The following CYP7B1 variants were observed in gnomAD, a reference collection of about 807,000 sequenced individuals.
The protein encoded by CYP7B1 is cytochrome P450 7B1.
Under a neutral mutation model 42.7 loss-of-function variants are expected in CYP7B1, and 29 were observed. The ratio of observed to expected loss-of-function variants is 0.68; its 90% CI spans 0.51 to 0.93. CYP7B1 has a LOEUF of 0.93. Among genes scored for constraint, CYP7B1 ranks in the 40% least tolerant of loss-of-function variants. The probability of loss-of-function intolerance (pLI) is 0.00; values close to 1 mark genes in which losing one functional copy is unlikely to be tolerated. For synonymous variants in CYP7B1, 235 were observed against 218.2 expected, an observed-to-expected ratio of 1.08 and a Z score of -0.68; for missense variants, 655 against 600.5, an observed-to-expected ratio of 1.09 and a Z score of -0.95.
Position 64,798,308 on chromosome 8 carries a change from C to G in CYP7B1, c.122+158G>C, listed in dbSNP as rs186436396. ...ATGTGTGGGAAAAAGACAGAAGAAGCCTTTGTTATTACAAAGTCCCAAAGG... is the reference window on the plus strand; with the variant it reads ...ATGTGTGGGAAAAAGACAGAAGAAGGCTTTGTTATTACAAAGTCCCAAAGG... On this transcript the variant is annotated intron_variant, in intron 1 of 5. Transcript: ENST00000310193. 1.2e-3 allele frequency among the ~76,000 whole-genome samples: 176 copies of G among 152,360 alleles called. 1 individual carries two copies. The highest frequency in any genetic ancestry group is 6.4e-3 in the South Asian group (31 of 4,830).
chr8:64,742,684 G>A (rs1443593681), intron 1 of CYP7B1, among the ~76,000 whole-genome samples: 1 of 152,102 alleles, frequency 6.6e-6, no homozygotes, highest in Non-Finnish European at 1.5e-5. Context: ...CTGGCTCCTT[G>A]GCTTGTCTTC....
At chr8:64,726,701 T>C (rs1490859085) in intron 1 of CYP7B1, among the ~76,000 whole-genome samples, 2 of 152,238 alleles carry the variant, frequency 1.3e-5, no homozygotes, top group Non-Finnish European at 2.9e-5. Context: ...CAAATACAGA[T>C]AACCATCACT....
intron 5 of CYP7B1, among the ~76,000 whole-genome samples, chr8:64,598,402 C>T (rs1805149500): frequency 6.6e-6 from 1 of 152,142 alleles, no homozygotes; most frequent in Non-Finnish European, 1.5e-5. Context: ...CTTGCCTGAG[C>T]TTAGTCCTGC....
intron 2 of CYP7B1, among the ~76,000 whole-genome samples, chr8:64,617,189 T>C (rs1805461840): frequency 1.3e-5 from 2 of 152,158 alleles, no homozygotes; most frequent in Non-Finnish European, 2.9e-5. Context: ...AACTTATCAA[T>C]TTAAAAACTT....
At chr8:64,707,060 T>C (rs1807010692) in intron 1 of CYP7B1, among the ~76,000 whole-genome samples, 1 of 152,038 alleles carries the variant, frequency 6.6e-6, no homozygotes. Flanking sequence ...TTTATATACA[T>C]TTAGAATTTA....
At chr8:64,611,553 G>T (rs1457972695) in intron 4 of CYP7B1, among the ~76,000 whole-genome samples, 2 of 151,790 alleles carry the variant, frequency 1.3e-5, no homozygotes, top group Non-Finnish European at 2.9e-5. Flanking sequence ...ATCAAATTTC[G>T]ATGTGGACTC....
chr8:64,627,038 C>T (rs1392256741), intron 1 of CYP7B1, among the ~76,000 whole-genome samples: 2 of 152,078 alleles, frequency 1.3e-5, no homozygotes, highest in Non-Finnish European at 2.9e-5. Flanking sequence ...CAAAATAAAT[C>T]CAAGTTATGA....
At chr8:64,767,592 C>T (rs1453137776) in intron 1 of CYP7B1, among the ~76,000 whole-genome samples, 1 of 152,182 alleles carries the variant, frequency 6.6e-6, no homozygotes, top group Non-Finnish European at 1.5e-5. Context: ...CTTCACCAAA[C>T]GTTTCACTTA....
At chr8:64,721,811 AT>A (rs1807240663) in intron 1 of CYP7B1, among the ~76,000 whole-genome samples, 1 of 152,178 alleles carries the variant, frequency 6.6e-6, no homozygotes, top group African/African-American at 2.4e-5. Flanking sequence ...AGCCTATATA[AT>A]TATGACACAT....
At chr8:64,724,723 T>C (rs888199258) in intron 1 of CYP7B1, among the ~76,000 whole-genome samples, 1 of 152,098 alleles carries the variant, frequency 6.6e-6, no homozygotes, top group African/African-American at 2.4e-5. Flanking sequence ...TGCTGAGTAC[T>C]TTGAACTAAA....
At chr8:64,794,784 C>A (rs1046395776) in intron 1 of CYP7B1, among the ~76,000 whole-genome samples, 2 of 152,184 alleles carry the variant, frequency 1.3e-5, no homozygotes, top group African/African-American at 4.8e-5. Context: ...ATATCTCAAG[C>A]TTTTCATAGA....
intron 1 of CYP7B1, among the ~76,000 whole-genome samples, chr8:64,725,115 C>T (rs1280646326): frequency 6.6e-6 from 1 of 152,222 alleles, no homozygotes; most frequent in Non-Finnish European, 1.5e-5. Flanking sequence ...AGATCACCCC[C>T]TTTGGTCCAA....
chr8:64,660,865 T>A (rs1489969167), intron 1 of CYP7B1, among the ~76,000 whole-genome samples: 1 of 152,066 alleles, frequency 6.6e-6, no homozygotes, highest in Non-Finnish European at 1.5e-5. Context: ...AATGAGGGAG[T>A]GGGTAATTGC....
chr8:64,784,494 G>A (rs1449280527), intron 1 of CYP7B1, among the ~76,000 whole-genome samples: 1 of 152,138 alleles, frequency 6.6e-6, no homozygotes, highest in Admixed American at 6.5e-5. Flanking sequence ...TTCTCTGGAT[G>A]TCTTGATTCT....
In CYP7B1 at chr8:64,616,010, C is replaced by T. The variant is rs766248249; in HGVS notation, c.531G>A (p.Thr177=). The change falls in exon 3 of 6, where the codon ACG becomes ACA. Residue 177 remains threonine, a synonymous_variant. Transcript: ENST00000310193. ...PQLLKTTSWD[T]AELYPFCSSI... ...AGCTGCAGAATGGATACAGTTCTGC[C>T]GTGTCCCAACTTGTGGTTTTTAACA... 45 of 1,613,426 alleles carry T rather than the reference C, an allele frequency of 2.8e-5. No homozygotes were observed. Among genetic ancestry groups the T allele is most frequent in the East Asian group, 8.9e-5 (4 of 44,872 alleles).
chr8:64,652,619 C>T (rs551392107), intron 1 of CYP7B1, among the ~76,000 whole-genome samples: 30 of 152,146 alleles, frequency 2.0e-4, no homozygotes, highest in East Asian at 3.9e-4. Flanking sequence ...CCGAGGCAGG[C>T]GGATCACGAG....
At chr8:64,685,161 G>A (rs991700669) in intron 1 of CYP7B1, among the ~76,000 whole-genome samples, 20 of 152,042 alleles carry the variant, frequency 1.3e-4, no homozygotes, top group African/African-American at 3.4e-4. Context: ...CCGCCCCGCC[G>A]GCGAGCGCCG....
chr8:64,730,884 T>A (rs1384922755), intron 1 of CYP7B1, among the ~76,000 whole-genome samples: 1 of 151,996 alleles, frequency 6.6e-6, no homozygotes, highest in Non-Finnish European at 1.5e-5. Context: ...TGGGAGGTGA[T>A]TAGATCATGG....
chr8:64,704,224 A>G (rs1426559310), intron 1 of CYP7B1, among the ~76,000 whole-genome samples: 2 of 152,056 alleles, frequency 1.3e-5, no homozygotes, highest in African/African-American at 4.8e-5. Flanking sequence ...TATTTTACCC[A>G]TGTGTCAGCT....
Sources: allele counts gnomAD v4.1 joint callset (sites outside exome capture counted in the v4.1 genomes callset), GRCh38; gene constraint gnomAD v4.1.1; transcripts MANE v1.5; gene names NCBI Gene and HGNC (gene_info 2026-07-23, HGNC 2026-07-21).